Variants in MACROD2 observed in about 807,000 individuals in gnomAD.
The protein encoded by MACROD2 is ADP-ribose glycohydrolase MACROD2.
In MACROD2, 36 loss-of-function variants were observed where a neutral mutation model predicts 70.4. That is an observed-to-expected ratio of 0.51 (90% confidence interval 0.39 to 0.68). The LOEUF is 0.68. Among genes scored for constraint, MACROD2 ranks in the 30% least tolerant of loss-of-function variants. The probability of loss-of-function intolerance (pLI) is 0.00; values close to 1 mark genes in which losing one functional copy is unlikely to be tolerated. For synonymous variants in MACROD2, 172 were observed against 178.8 expected, an observed-to-expected ratio of 0.96 and a Z score of 0.30; for missense variants, 496 against 538.4, an observed-to-expected ratio of 0.92 and a Z score of 0.78.
intron 5 of MACROD2, among the ~76,000 whole-genome samples, chr20:15,165,344 T>C (rs1290371329): frequency 2.6e-5 from 4 of 152,144 alleles, no homozygotes; most frequent in Non-Finnish European, 4.4e-5. Flanking sequence ...TAATCCCAGC[T>C]ACTTGGGCAG....
intron 4 of MACROD2, among the ~76,000 whole-genome samples, chr20:14,652,130 T>C (rs1351519281): frequency 1.3e-5 from 2 of 152,164 alleles, no homozygotes; most frequent in Non-Finnish European, 2.9e-5. Flanking sequence ...CCTCACATTG[T>C]ATATCCTTAT....
At chr20:15,211,723 C>T (rs575084003) in intron 5 of MACROD2, among the ~76,000 whole-genome samples, 45 of 152,210 alleles carry the variant, frequency 3.0e-4, no homozygotes, top group African/African-American at 1.0e-3. Flanking sequence ...GCTTCCTGTA[C>T]AGCCTGCAGA....
At chr20:15,954,998 G>A (rs965902380) in intron 12 of MACROD2, among the ~76,000 whole-genome samples, 19 of 152,152 alleles carry the variant, frequency 1.2e-4, no homozygotes, top group African/African-American at 4.6e-4. Context: ...AAGTCAGACA[G>A]ATCATGGTAA....
chr20:14,276,730 A>C (rs1467005069), intron 3 of MACROD2, among the ~76,000 whole-genome samples: 1 of 152,110 alleles, frequency 6.6e-6, no homozygotes, highest in African/African-American at 2.4e-5. Flanking sequence ...TGAGACCCTA[A>C]CATACTACCA....
intron 8 of MACROD2, among the ~76,000 whole-genome samples, chr20:15,603,422 C>A (rs756828735): frequency 1.3e-5 from 2 of 149,948 alleles, no homozygotes; most frequent in Non-Finnish European, 3.0e-5. Flanking sequence ...GCAGGAGAAT[C>A]GCTTGAACCC....
chr20:14,537,252 A>G (rs909521970), intron 4 of MACROD2, among the ~76,000 whole-genome samples: 1 of 152,226 alleles, frequency 6.6e-6, no homozygotes. Flanking sequence ...CAGATATGAT[A>G]GTTTATTTGA....
intron 4 of MACROD2, among the ~76,000 whole-genome samples, chr20:14,545,418 A>G (rs9808604): frequency 6.6e-6 from 1 of 152,006 alleles, no homozygotes; most frequent in African/African-American, 2.4e-5. Context: ...CTACAGGATC[A>G]GATTCAGCTG....
rs75175616 is a variant in MACROD2, at chr20:14,783,537, G to A, written c.418+98578G>A. Among the ~76,000 whole-genome samples the A allele has an allele frequency of 1.3e-3, 205 of 152,178 alleles. 1 individual carries two copies. The highest frequency in any genetic ancestry group is 4.8e-3 in the African/African-American group (198 of 41,484). ...TGATGATTCATGGTGATAATAGTAC[G>A]TACTTTAATGAGGTTCTGCCATTCA... On this transcript the variant is annotated intron_variant, in intron 5 of 17. Transcript: ENST00000684519.
intron 6 of MACROD2, among the ~76,000 whole-genome samples, chr20:15,378,119 A>G (rs1642475137): frequency 6.6e-6 from 1 of 151,860 alleles, no homozygotes. Flanking sequence ...CTGCATATGT[A>G]TCCCAGAACT....
intron 4 of MACROD2, among the ~76,000 whole-genome samples, chr20:14,650,045 G>A (rs533572917): frequency 6.6e-6 from 1 of 152,260 alleles, no homozygotes; most frequent in African/African-American, 2.4e-5. Context: ...ATGGGAGCAG[G>A]AGGCAGAAGG....
chr20:14,265,776 C>CT lies in MACROD2; in HGVS notation c.271+180066dup, dbSNP rs11478087. 3.3e-3 allele frequency among the ~76,000 whole-genome samples: 381 copies of CT among 114,954 alleles called. 2 individuals are homozygous for CT. The highest frequency in any genetic ancestry group is 9.1e-3 in the South Asian group (33 of 3,634). The allele number at this position is 114,954 out of a possible 152,430, so 75.4% of individuals were successfully genotyped here. A position where few individuals can be genotyped will look rare whatever the true frequency, so the allele number is the denominator to read the frequency against. On this transcript the variant is annotated intron_variant, in intron 3 of 17. Transcript: ENST00000684519. The stretch of plus-strand genomic sequence containing the variant: ...AATTCAACCTGTTCCCCGCCTTGTC[C>CT]TTTTTTTTTTTTTTTTTTGAGACAG...
At chr20:15,202,247 T>C (rs1211405639) in intron 5 of MACROD2, among the ~76,000 whole-genome samples, 1 of 152,224 alleles carries the variant, frequency 6.6e-6, no homozygotes, top group Non-Finnish European at 1.5e-5. Flanking sequence ...GGTTCTTTGA[T>C]GACAGTGTGG....
At chr20:14,956,710 AT>A (rs2074539965) in intron 5 of MACROD2, among the ~76,000 whole-genome samples, 1 of 152,212 alleles carries the variant, frequency 6.6e-6, no homozygotes, top group African/African-American at 2.4e-5. Context: ...AACTAAGGTC[AT>A]GAGTAAGTTG....
Position 14,862,632 on chromosome 20 carries a change from T to TATATATATAA in MACROD2, c.418+177683_418+177692dup, listed in dbSNP as rs1568841433. Among the ~76,000 whole-genome samples the TATATATATAA allele has an allele frequency of 2.1e-3, 15 of 7,272 alleles. 2 individuals carry two copies. Among genetic ancestry groups the TATATATATAA allele is most frequent in the Non-Finnish European group, 2.8e-3 (9 of 3,234 alleles). The allele number at this position is 7,272 out of a possible 152,430, so 4.8% of individuals were successfully genotyped here. ...ATATATATAAATATATATATATAAA[T>TATATATATAA]ATATATATAAATATATATATATAAA... On this transcript the variant is annotated intron_variant, in intron 5 of 17. Coordinates refer to ENST00000684519, the MANE Select transcript of MACROD2 (RefSeq NM_001351661.2).
intron 5 of MACROD2, among the ~76,000 whole-genome samples, chr20:15,004,894 T>C (rs769800651): frequency 6.6e-5 from 10 of 152,030 alleles, no homozygotes; most frequent in African/African-American, 2.4e-4. Context: ...AAGGAGGGAG[T>C]GTTTGATTTC....
Position 14,687,019 on chromosome 20 carries a change from C to G in MACROD2, c.418+2060C>G, listed in dbSNP as rs76965548. Among the ~76,000 whole-genome samples the G allele has an allele frequency of 1.1e-3, 170 of 152,244 alleles. 4 individuals carry two copies. In the East Asian group the frequency reaches 0.023, roughly 20 times the overall value. ...TCTGGGTATTAACGGTGATTTCTCTCTCCAGAATCATATAGTGCTATTTTT... is the reference window on the plus strand; with the variant it reads ...TCTGGGTATTAACGGTGATTTCTCTGTCCAGAATCATATAGTGCTATTTTT... On this transcript the variant is annotated intron_variant, in intron 5 of 17. Transcript: ENST00000684519.
chr20:15,116,066 T>A (rs1329390496), intron 5 of MACROD2, among the ~76,000 whole-genome samples: 1 of 152,216 alleles, frequency 6.6e-6, no homozygotes, highest in Non-Finnish European at 1.5e-5. Flanking sequence ...TTTGACTCAC[T>A]TCTTGATATA....
chr20:16,035,131 A>G (rs1338387578), intron 15 of MACROD2, among the ~76,000 whole-genome samples: 1 of 3,062 alleles, frequency 3.3e-4, no homozygotes, highest in Non-Finnish European at 6.0e-3. Flanking sequence ...ATAAAATATT[A>G]TATATTATAT....
At chr20:14,511,736 A>G (rs1323939650) in intron 4 of MACROD2, among the ~76,000 whole-genome samples, 2 of 137,636 alleles carry the variant, frequency 1.5e-5, no homozygotes, top group African/African-American at 5.4e-5. Flanking sequence ...ATTTATTCAT[A>G]TATATTAAAC....
Sources: allele counts gnomAD v4.1 joint callset (sites outside exome capture counted in the v4.1 genomes callset), GRCh38; gene constraint gnomAD v4.1.1; transcripts MANE v1.5; gene names NCBI Gene and HGNC (gene_info 2026-07-23, HGNC 2026-07-21).